AEN: variants seen among roughly 807,000 people sequenced by gnomAD.
The protein encoded by AEN is apoptosis enhancing nuclease, also known as apoptosis-enhancing nuclease.
Under a neutral mutation model 17.7 loss-of-function variants are expected in AEN, and 21 were observed. That is an observed-to-expected ratio of 1.19 (90% confidence interval 0.84 to 1.71). The LOEUF is 1.71. Among genes scored for constraint, AEN ranks in the 40% most tolerant of loss-of-function variants. AEN has a pLI of 0.00. For synonymous variants in AEN, 190 were observed against 173.0 expected (o/e 1.10, Z -0.77); for missense variants, 462 against 435.9 (o/e 1.06, Z -0.53).
the AEN span, among the ~76,000 whole-genome samples, chr15:88,607,280 G>A: frequency 6.6e-6 from 1 of 152,174 alleles, no homozygotes; most frequent in Admixed American, 6.5e-5. Context: ...AGCAAATACA[G>A]CACCTAAAGC....
chr15:88,604,739 A>G, the AEN span: 1 of 152,294 alleles, frequency 6.6e-6, no homozygotes, highest in Non-Finnish European at 1.5e-5. The surrounding 1 kb of genome is among the most constrained non-coding windows in gnomAD (Gnocchi z 8.1). Context: ...GGACCCGGAC[A>G]GGACTGATGG....
the AEN span, among the ~76,000 whole-genome samples, chr15:88,614,195 TTTTA>T: frequency 2.0e-5 from 3 of 152,092 alleles, no homozygotes; most frequent in Admixed American, 1.3e-4. Context: ...TTACTACTGT[TTTTA>T]TTTATTTATT....
the AEN span, among the ~76,000 whole-genome samples, chr15:88,607,545 G>A: frequency 2.6e-5 from 4 of 152,106 alleles, no homozygotes; most frequent in African/African-American, 7.2e-5. Flanking sequence ...TCTCTTTCCC[G>A]AAAAACAGCA....
the AEN span, among the ~76,000 whole-genome samples, chr15:88,607,891 T>G: frequency 1.3e-5 from 2 of 152,308 alleles, no homozygotes; most frequent in Non-Finnish European, 2.9e-5. Context: ...TATAGAAACT[T>G]CCCTTTAGAC....
the AEN span, among the ~76,000 whole-genome samples, chr15:88,610,305 C>T: frequency 5.2e-5 from 7 of 134,448 alleles, no homozygotes; most frequent in East Asian, 1.1e-3. Context: ...AGGCACGGGG[C>T]TATTTTTTTT....
chr15:88,608,057 T>A, the AEN span: 9 of 490,430 alleles, frequency 1.8e-5, no homozygotes, highest in Admixed American at 1.9e-4. Flanking sequence ...TCTGCTTATT[T>A]TCTTTATGGA....
At chr15:88,611,386 A>G in the AEN span, among the ~76,000 whole-genome samples, 1 of 149,918 alleles carries the variant, frequency 6.7e-6, no homozygotes, top group Non-Finnish European at 1.5e-5. Flanking sequence ...ACTTGAGCCC[A>G]GGAGTTCAAG....
chr15:88,617,032 AAATGAACGC>A (rs560169437), upstream of AEN, among the ~76,000 whole-genome samples: 532 of 152,376 alleles, frequency 3.5e-3, 2 homozygotes, highest in Middle Eastern at 0.017. Context: ...AGACGTCATT[AAATGAACGC>A]AATGGAGTCT....
the AEN span, among the ~76,000 whole-genome samples, chr15:88,615,512 A>C: frequency 1.3e-5 from 2 of 152,146 alleles, no homozygotes; most frequent in Admixed American, 1.3e-4. Context: ...CCTTATTCAC[A>C]TTTAGCACTG....
chr15:88,629,471 C>T (rs772023683), intron 3 of AEN, 45 bp downstream of exon 3: 26 of 1,593,398 alleles, frequency 1.6e-5, no homozygotes, highest in Admixed American at 1.5e-4. Context: ...GCCCGCCTGG[C>T]CTCCATGCCA....
the AEN span, among the ~76,000 whole-genome samples, chr15:88,606,714 G>T: frequency 6.6e-6 from 1 of 152,222 alleles, no homozygotes; most frequent in East Asian, 1.9e-4. Flanking sequence ...GAGGCACATC[G>T]ATCCCGCGTA....
chr15:88,619,457 A>C (rs556820055), upstream of AEN, among the ~76,000 whole-genome samples: 39 of 152,344 alleles, frequency 2.6e-4, no homozygotes, highest in South Asian at 5.8e-3. Context: ...TGAGAGGCCA[A>C]GGTGGGTGGA....
At chr15:88,613,586 C>CGGG in the AEN span, among the ~76,000 whole-genome samples, 1 of 141,000 alleles carries the variant, frequency 7.1e-6, no homozygotes, top group Non-Finnish European at 1.5e-5. Context: ...ACAAGCATCT[C>CGGG]GGGGGGGGAT....
rs2057910785 is a variant in AEN, at chr15:88,630,223, C to T, written c.907C>T (p.Gln303Ter). 1 of 1,607,084 alleles carries T rather than the reference C, an allele frequency of 6.2e-7. No homozygotes were observed. The change falls in exon 4 of 4, where the codon CAG becomes TAG. Residue 303 changes from glutamine (Q) to a stop codon, truncating the protein, a stop_gained. Transcript: ENST00000332810. LOFTEE classifies it low-confidence loss of function (END_TRUNC). The surrounding 1 kb of genome is among the most constrained non-coding windows in gnomAD (Gnocchi z 5.1). ...AGACATGGAACAGTACATGGAGGACCAGTACTGGCCCGATGACCTGGCCCA... is the reference window on the plus strand; with the variant it reads ...AGACATGGAACAGTACATGGAGGACTAGTACTGGCCCGATGACCTGGCCCA... ...STDMEQYMED[Q>*]YWPDDLAHGS... is the part of the protein sequence containing the mutation.
At chr15:88,618,120 C>T (rs910668915), upstream of AEN, among the ~76,000 whole-genome samples, 1 of 152,170 alleles carries the variant, frequency 6.6e-6, no homozygotes, top group Non-Finnish European at 1.5e-5. Context: ...AGATTTATGG[C>T]CTGAGTGTTC....
chr15:88,610,861 C>T, the AEN span, among the ~76,000 whole-genome samples: 9 of 152,318 alleles, frequency 5.9e-5, no homozygotes, highest in Non-Finnish European at 1.0e-4. Flanking sequence ...AATTAAGGAG[C>T]GGATGTGTCC....
intron 2 of AEN, chr15:88,628,208 C>A (rs1275242497): frequency 6.6e-6 from 1 of 152,348 alleles, no homozygotes; most frequent in Non-Finnish European, 1.5e-5. Context: ...CTTTCCACTT[C>A]ATGGCTGACT....
chr15:88,622,062 G>A (rs2057794550), intron 1 of AEN, among the ~76,000 whole-genome samples: 1 of 152,172 alleles, frequency 6.6e-6, no homozygotes, highest in South Asian at 2.1e-4. Context: ...TGCCAGAGGA[G>A]GGTCTAGAAC....
chr15:88,617,583 T>C (rs576386848), upstream of AEN, among the ~76,000 whole-genome samples: 2 of 152,116 alleles, frequency 1.3e-5, no homozygotes, highest in Non-Finnish European at 2.9e-5. Context: ...AAAAACTATT[T>C]ATGACAATGT....
Sources: gnomAD v4.1 joint callset for allele counts (sites outside exome capture counted in the v4.1 genomes callset) on GRCh38, gnomAD v4.1.1 for gene constraint, Gnocchi (gnomAD v3.1) non-coding constraint, MANE v1.5 for transcripts, NCBI Gene and HGNC (gene_info 2026-07-23, HGNC 2026-07-21) for gene names.